CADM2: variants seen among roughly 807,000 people sequenced by gnomAD.
CADM2 encodes the protein immunoglobulin superfamily member 4D.
In CADM2, 12 loss-of-function variants were observed where a neutral mutation model predicts 49.8. The observed-to-expected ratio is 0.24, with a 90% CI of 0.15 to 0.39. The LOEUF is 0.39. Among genes scored for constraint, CADM2 ranks in the 10% least tolerant of loss-of-function variants. CADM2 has a pLI of 1.00. For synonymous variants in CADM2, 214 were observed against 175.4 expected, an observed-to-expected ratio of 1.22 and a Z score of -1.74; for missense variants, 378 against 492.3, an observed-to-expected ratio of 0.77 and a Z score of 2.20.
chr3:85,383,071 C>T (rs1351654941), intron 1 of CADM2, among the ~76,000 whole-genome samples: 2 of 152,156 alleles, frequency 1.3e-5, no homozygotes, highest in African/African-American at 2.4e-5. Context: ...ACTTGAACCA[C>T]TCAGACACTG....
intron 1 of CADM2, among the ~76,000 whole-genome samples, chr3:85,264,773 G>A (rs2043086598): frequency 6.6e-6 from 1 of 151,938 alleles, no homozygotes; most frequent in Non-Finnish European, 1.5e-5. Flanking sequence ...TTATGAGGTT[G>A]GAGTATGTAT....
intron 1 of CADM2, among the ~76,000 whole-genome samples, chr3:85,565,836 A>T (rs2062238111): frequency 6.6e-6 from 1 of 151,952 alleles, no homozygotes. Context: ...AAATTATTTT[A>T]CATTTAAATA....
rs28740891 is a variant in CADM2, at chr3:85,671,337, G to A, written c.62-55185G>A. Among the ~76,000 whole-genome samples the A allele has an allele frequency of 6.7e-3, 1,025 of 152,226 alleles. 10 individuals carry two copies. Among genetic ancestry groups the A allele is most frequent in the African/African-American group, 0.024 (986 of 41,550 alleles). On this transcript the variant is annotated intron_variant, in intron 1 of 9. Transcript: ENST00000383699. Reference sequence around the variant, plus strand: ...GAATGGGGGTGGAGGAGAATAGGCTGTATGATATTTCTTTCTCCCATAACT... The same window carrying A: ...GAATGGGGGTGGAGGAGAATAGGCTATATGATATTTCTTTCTCCCATAACT...
At chr3:85,727,482 G>C (rs1320447894) in intron 2 of CADM2, among the ~76,000 whole-genome samples, 1 of 152,090 alleles carries the variant, frequency 6.6e-6, no homozygotes, top group African/African-American at 2.4e-5. Context: ...AGCTCACCTA[G>C]CCTTGTTTCC....
chr3:85,956,885 T>G (rs1724129446), intron 7 of CADM2, among the ~76,000 whole-genome samples: 1 of 151,600 alleles, frequency 6.6e-6, no homozygotes, highest in Admixed American at 6.6e-5. Flanking sequence ...TACGGAAGTG[T>G]ATAAATACAT....
intron 1 of CADM2, among the ~76,000 whole-genome samples, chr3:85,682,794 C>A (rs1446138066): frequency 6.6e-6 from 1 of 151,962 alleles, no homozygotes; most frequent in Non-Finnish European, 1.5e-5. Flanking sequence ...TTGTTAAAGT[C>A]ATTTTGCATG....
At chr3:85,648,540 C>G in intron 1 of CADM2, among the ~76,000 whole-genome samples, 2 of 152,058 alleles carry the variant, frequency 1.3e-5, no homozygotes, top group South Asian at 4.1e-4. Context: ...ATCTTTAACT[C>G]TGATTCTATA....
chr3:86,031,356 G>C (rs1188202151), intron 8 of CADM2, among the ~76,000 whole-genome samples: 1 of 151,740 alleles, frequency 6.6e-6, no homozygotes, highest in African/African-American at 2.4e-5. Context: ...ATTAAGATAT[G>C]AACCATCTGA....
intron 1 of CADM2, among the ~76,000 whole-genome samples, chr3:85,265,955 G>A (rs539129510): frequency 7.2e-5 from 11 of 151,908 alleles, no homozygotes; most frequent in South Asian, 2.1e-4. Flanking sequence ...TCACATGTTC[G>A]AAGGTAGCTG....
At chr3:85,689,136 T>C (rs1046116995) in intron 1 of CADM2, among the ~76,000 whole-genome samples, 2 of 152,110 alleles carry the variant, frequency 1.3e-5, no homozygotes, top group South Asian at 4.1e-4. Flanking sequence ...AATCTGAAAA[T>C]TGATTTGTCA....
intron 1 of CADM2, among the ~76,000 whole-genome samples, chr3:85,718,420 A>G (rs904197502): frequency 1.3e-5 from 2 of 152,204 alleles, no homozygotes; most frequent in African/African-American, 4.8e-5. Flanking sequence ...GTTTGCATTT[A>G]TCTTACAGAG....
chr3:85,021,304 A>C (rs2107292673), intron 1 of CADM2, among the ~76,000 whole-genome samples: 1 of 152,280 alleles, frequency 6.6e-6, no homozygotes, highest in South Asian at 2.1e-4. Context: ...GTTGGTAAAT[A>C]TTTTTGATAC....
In CADM2 at chr3:85,113,669, C is replaced by CTT. The variant is rs5850668; in HGVS notation, c.61+154008_61+154009dup. 6.1e-3 allele frequency among the ~76,000 whole-genome samples: 898 copies of CTT among 147,028 alleles called. 9 individuals carry two copies. The highest frequency in any genetic ancestry group is 0.021 in the African/African-American group (846 of 39,862). On this transcript the variant is annotated intron_variant, in intron 1 of 9. Transcript: ENST00000383699. Reference sequence around the variant, plus strand: ...AGCAATTTTATTTTAATATTTATTGCTTTTTTTTATTCATTCGTTTTTTTT... The same window carrying CTT: ...AGCAATTTTATTTTAATATTTATTGCTTTTTTTTTTATTCATTCGTTTTTTTT...
chr3:85,983,195 T>C (rs1335992289), intron 8 of CADM2, among the ~76,000 whole-genome samples: 1 of 151,652 alleles, frequency 6.6e-6, no homozygotes, highest in Non-Finnish European at 1.5e-5. Flanking sequence ...ATTGACAGTG[T>C]CATAAACTTG....
chr3:85,289,299 C>G (rs1193880513), intron 1 of CADM2, among the ~76,000 whole-genome samples: 3 of 152,100 alleles, frequency 2.0e-5, no homozygotes, highest in Non-Finnish European at 2.9e-5. Context: ...TTAATACTAC[C>G]AAATCTCTAT....
At chr3:85,049,327 GTTTATTTATTTATTTA>G (rs141705505) in intron 1 of CADM2, among the ~76,000 whole-genome samples, 13 of 146,238 alleles carry the variant, frequency 8.9e-5, no homozygotes, top group South Asian at 4.4e-4. Flanking sequence ...TGCAGGTTTA[GTTTATTTATTTATTTA>G]TTTATTTATT....
intron 1 of CADM2, among the ~76,000 whole-genome samples, chr3:85,018,666 CT>C (rs1402279505): frequency 6.6e-6 from 1 of 152,106 alleles, no homozygotes; most frequent in Non-Finnish European, 1.5e-5. Context: ...GCTAGGGCAA[CT>C]TTTCTTAGAA....
At chr3:85,881,793 C>A (rs887845281) in intron 3 of CADM2, among the ~76,000 whole-genome samples, 2 of 152,198 alleles carry the variant, frequency 1.3e-5, no homozygotes, top group African/African-American at 4.8e-5. Context: ...TTGTGGAAGA[C>A]AATTTTTCCA....
intron 1 of CADM2, among the ~76,000 whole-genome samples, chr3:85,274,624 T>A (rs943737852): frequency 7.3e-5 from 11 of 151,468 alleles, no homozygotes; most frequent in African/African-American, 2.7e-4. Context: ...ATCTATCTAA[T>A]GCCATTATTT....
Sources: allele counts gnomAD v4.1 joint callset (sites outside exome capture counted in the v4.1 genomes callset), GRCh38; gene constraint gnomAD v4.1.1; transcripts MANE v1.5; gene names NCBI Gene and HGNC (gene_info 2026-07-23, HGNC 2026-07-21).